Variants in CRCP observed in about 807,000 individuals in gnomAD.
CRCP encodes CGRP receptor component.
CRCP carries 18 observed loss-of-function variants against 18.5 expected under a neutral mutation model. The observed-to-expected ratio is 0.97, with a 90% CI of 0.67 to 1.44. The LOEUF (loss-of-function observed/expected upper bound fraction) is 1.44. CRCP is among the 40% of genes most tolerant of loss of function. The probability of loss-of-function intolerance (pLI) is 0.00; values close to 1 mark genes in which losing one functional copy is unlikely to be tolerated. For missense variants in CRCP, 130 were observed against 176.4 expected, an observed-to-expected ratio of 0.74 and a Z score of 1.49; for synonymous variants, 53 against 62.9, an observed-to-expected ratio of 0.84 and a Z score of 0.75.
chr7:66,136,750 A>G (rs1787982226), intron 4 of CRCP, among the ~76,000 whole-genome samples: 1 of 151,484 alleles, frequency 6.6e-6, no homozygotes, highest in East Asian at 2.0e-4. Context: ...TCTATAGGTC[A>G]GTTTTGGGGG....
Position 66,152,354 on chromosome 7 carries a change from A to G in CRCP, c.444A>G (p.Ala148=), listed in dbSNP as rs141397800. The G allele has an allele frequency of 6.1e-5, 99 of 1,614,062 alleles. No homozygotes were observed. The African/African-American group carries it at 1.1e-3, about 18-fold the overall frequency. Residue 148 remains alanine (A), a synonymous_variant, in exon 6 of 6, where the codon GCA becomes GCG. Coordinates refer to ENST00000395326, the MANE Select transcript of CRCP (RefSeq NM_014478.5). ...TGGCAATGGACGAAGAGGACCCAGCATAGAAGAGCACAGCTGGCCCCGGCG... is the reference window on the plus strand; with the variant it reads ...TGGCAATGGACGAAGAGGACCCAGCGTAGAAGAGCACAGCTGGCCCCGGCG... ...SNVAMDEEDP[A]
At chr7:66,117,253 G>A (rs930897663) in intron 1 of CRCP, among the ~76,000 whole-genome samples, 12 of 151,816 alleles carry the variant, frequency 7.9e-5, no homozygotes, top group Non-Finnish European at 1.5e-5. Context: ...TGTGATGTAT[G>A]TTCCTTTGCG....
In CRCP at chr7:66,153,131, T is replaced by G. The variant is rs1164241609; in HGVS notation, c.*774T>G. 1 of 152,836 alleles carries G rather than the reference T, an allele frequency of 6.5e-6. No individual in the cohort carries two copies. Among genetic ancestry groups the G allele is most frequent in the African/African-American group, 2.4e-5 (1 of 41,468 alleles). The allele number at this position is 152,836 out of a possible 1,614,324, so 9.5% of individuals were successfully genotyped here. ...CTCATTTGCACAACAGTCAAATTGT[T>G]TGTTCCTTTAAAAAGGACACAATTA... On this transcript the variant is annotated 3_prime_UTR_variant, in exon 6 of 6. Coordinates refer to ENST00000395326, the MANE Select transcript of CRCP (RefSeq NM_014478.5).
intron 5 of CRCP, among the ~76,000 whole-genome samples, chr7:66,147,699 T>C (rs1260329063): frequency 6.6e-6 from 1 of 152,194 alleles, no homozygotes; most frequent in African/African-American, 2.4e-5. Context: ...GGAATTTGGC[T>C]ACAAAAGGTA....
upstream of CRCP, chr7:66,114,821 C>T: frequency 1.3e-6 from 2 of 1,586,812 alleles, no homozygotes; most frequent in Non-Finnish European, 1.7e-6. Context: ...GTCCGCCAAG[C>T]TCCCGGCATG....
At chr7:66,135,156 G>A (rs920460123) in intron 4 of CRCP, among the ~76,000 whole-genome samples, 13 of 152,104 alleles carry the variant, frequency 8.5e-5, no homozygotes, top group Non-Finnish European at 1.9e-4. Context: ...GGGCCACTTG[G>A]TTCTTACAGA....
chr7:66,120,158 TG>T (rs1401422342), intron 1 of CRCP, among the ~76,000 whole-genome samples: 2 of 151,132 alleles, frequency 1.3e-5, no homozygotes, highest in Non-Finnish European at 1.5e-5. Flanking sequence ...CACTCCAGCC[TG>T]GGCGATAGAG....
Position 66,145,485 on chromosome 7 carries a change from T to G in CRCP, c.282T>G (p.Ala94=), listed in dbSNP as rs750928770. 10 of 1,613,868 alleles carry G rather than the reference T, an allele frequency of 6.2e-6. No homozygotes were observed. In the African/African-American group the frequency reaches 1.3e-4, roughly 22 times the overall value. Residue 94 remains alanine, a synonymous_variant, in exon 5 of 6, where the codon GCT becomes GCG. Transcript: ENST00000395326. Reference sequence around the variant, plus strand: ...TGCTGAACCACCGGCCTGTGACTGCTGTGGAGATCCAGCTGGTGAGTGAAG... The same window carrying G: ...TGCTGAACCACCGGCCTGTGACTGCGGTGGAGATCCAGCTGGTGAGTGAAG... The part of the protein sequence containing the change: ...LQLLNHRPVT[A]VEIQLMVEES...
intron 5 of CRCP, among the ~76,000 whole-genome samples, chr7:66,151,747 CTTTTCTTT>C (rs1279226732): frequency 2.9e-4 from 16 of 55,418 alleles, no homozygotes; most frequent in African/African-American, 8.4e-4. Flanking sequence ...TCCTTTTTTT[CTTTTCTTT>C]TTTTTTTTTT....
chr7:66,144,518 G>T (rs1788237457), intron 4 of CRCP, among the ~76,000 whole-genome samples: 1 of 152,174 alleles, frequency 6.6e-6, no homozygotes, highest in South Asian at 2.1e-4. Context: ...TAGAGATAGG[G>T]TGTGGCTCTG....
chr7:66,137,402 CAG>C (rs1309052836), intron 4 of CRCP, among the ~76,000 whole-genome samples: 1 of 148,194 alleles, frequency 6.7e-6, no homozygotes, highest in African/African-American at 2.7e-5. Flanking sequence ...TATTTGCAAA[CAG>C]AGTTTTACTT....
chr7:66,140,599 C>T (rs1788107861), intron 4 of CRCP, among the ~76,000 whole-genome samples: 1 of 152,054 alleles, frequency 6.6e-6, no homozygotes. Context: ...TCCATGTTGG[C>T]CAGGCTGGTC....
chr7:66,128,125 A>AAAAG (rs1182152408), intron 2 of CRCP, among the ~76,000 whole-genome samples: 1 of 151,612 alleles, frequency 6.6e-6, no homozygotes. Context: ...AAAAAAAAAA[A>AAAAG]AAAGAAAGAA....
chr7:66,129,497 A>C (rs1027718254), intron 2 of CRCP, among the ~76,000 whole-genome samples: 79 of 151,836 alleles, frequency 5.2e-4, no homozygotes, highest in East Asian at 9.7e-4. Flanking sequence ...CCGTGTCCCC[A>C]AAAAAAAGCT....
chr7:66,153,630 A>C lies in CRCP; in HGVS notation c.*1273A>C, dbSNP rs564249922. The C allele has an allele frequency of 3.6e-4, 55 of 152,068 alleles. No individual in the cohort carries two copies. The highest frequency in any genetic ancestry group is 1.3e-3 in the African/African-American group (54 of 41,480). The allele number at this position is 152,068 out of a possible 1,614,324, so 9.4% of individuals were successfully genotyped here. On this transcript the variant is annotated 3_prime_UTR_variant, in exon 6 of 6. Transcript: ENST00000395326. ...TGATCATAGACATTCGATTTTCCAA[A>C]TTGGCGCTCTTATTTTCAATGCTAA...
intron 4 of CRCP, among the ~76,000 whole-genome samples, 160 bp from the exon 5 acceptor site, chr7:66,145,283 G>A (rs751144773): frequency 6.6e-6 from 1 of 152,246 alleles, no homozygotes; most frequent in Non-Finnish European, 1.5e-5. Context: ...TCACATACAC[G>A]CTCCTGTTCC....
chr7:66,145,707 G>A (rs1359937803), intron 5 of CRCP, among the ~76,000 whole-genome samples: 1 of 152,202 alleles, frequency 6.6e-6, no homozygotes, highest in Non-Finnish European at 1.5e-5. Flanking sequence ...CCTCCTCTAG[G>A]GTTTTGGCTG....
chr7:66,135,168 G>A (rs1447219748), intron 4 of CRCP, among the ~76,000 whole-genome samples: 1 of 152,092 alleles, frequency 6.6e-6, no homozygotes, highest in Non-Finnish European at 1.5e-5. Context: ...TCTTACAGAC[G>A]CAGTGCCTCC....
chr7:66,139,591 G>A (rs1584089586), intron 4 of CRCP, among the ~76,000 whole-genome samples: 1 of 152,210 alleles, frequency 6.6e-6, no homozygotes, highest in African/African-American at 2.4e-5. Context: ...CTTCTGGTTT[G>A]TGTTTTAGGA....
Sources: allele counts gnomAD v4.1 joint callset (sites outside exome capture counted in the v4.1 genomes callset), GRCh38; gene constraint gnomAD v4.1.1; transcripts MANE v1.5; gene names NCBI Gene and HGNC (gene_info 2026-07-23, HGNC 2026-07-21).